The following FAT3 variants were observed in gnomAD, a reference collection of about 807,000 sequenced individuals.
The protein encoded by FAT3 is FAT atypical cadherin 3, also known as protocadherin Fat 3.
A neutral mutation model predicts 310.2 loss-of-function variants in FAT3; 95 were observed. The ratio of observed to expected loss-of-function variants is 0.31; its 90% CI spans 0.26 to 0.36. FAT3 has a LOEUF of 0.36. Among genes scored for constraint, FAT3 ranks in the 10% least tolerant of loss-of-function variants. The pLI is 1.00. For synonymous variants in FAT3, 2,314 were observed against 2,192.9 expected (o/e 1.06, Z -1.54); for missense variants, 5,408 against 5,715.6 (o/e 0.95, Z 1.74).
rs533844533 is a variant in FAT3 at position 92,331,287 on chromosome 11, CT to C, written c.-17-20797del. Among the ~76,000 whole-genome samples the C allele has an allele frequency of 6.8e-3, 951 of 139,094 alleles. 9 individuals carry two copies. Among genetic ancestry groups the C allele is most frequent in the South Asian group, 0.016 (70 of 4,298 alleles). The allele number at this position is 139,094 out of a possible 152,430, so 91.3% of individuals were successfully genotyped here. On this transcript the variant is annotated intron_variant, in intron 1 of 27. Transcript: ENST00000525166. Reference sequence around the variant, plus strand: ...GCATATAAGGTATGTTTTATTTCTTCTTTTTTTTTTTTCAAAATGAGAGTTT... The same window carrying C: ...GCATATAAGGTATGTTTTATTTCTTCTTTTTTTTTTTCAAAATGAGAGTTT...
At chr11:92,432,978 C>T (rs372703449) in intron 2 of FAT3, among the ~76,000 whole-genome samples, 12 of 152,162 alleles carry the variant, frequency 7.9e-5, no homozygotes, top group African/African-American at 2.4e-4. Flanking sequence ...AGAGGCTTTG[C>T]GGCACTACGT....
At chr11:92,676,819 G>C (rs889951008) in intron 3 of FAT3, among the ~76,000 whole-genome samples, 1 of 152,300 alleles carries the variant, frequency 6.6e-6, no homozygotes, top group South Asian at 2.1e-4. Context: ...ATTTGAAACA[G>C]ATTATTTAAA....
Position 92,799,055 on chromosome 11 carries a change from C to T in FAT3, c.6042C>T (p.Pro2014=), listed in dbSNP as rs1301413014. The T allele has an allele frequency of 6.2e-7, 1 of 1,613,766 alleles. No individual in the cohort carries two copies. The highest frequency in any genetic ancestry group is 8.5e-7 in the Non-Finnish European group (1 of 1,179,880). The part of the protein sequence containing the change: ...VNAVGNRLNE[P]LKYSILNPGN... ...CAGTTGGAAATCGCCTTAATGAGCCCTTAAAATACAGCATCTTAAACCCAG... is the reference window on the plus strand; with the variant it reads ...CAGTTGGAAATCGCCTTAATGAGCCTTTAAAATACAGCATCTTAAACCCAG... The change falls in exon 10 of 28, where the codon CCC becomes CCT. Residue 2014 remains proline (P), a synonymous_variant. Transcript: ENST00000525166.
At chr11:92,830,946 C>T (rs887926570) in intron 13 of FAT3, among the ~76,000 whole-genome samples, 2 of 152,162 alleles carry the variant, frequency 1.3e-5, no homozygotes, top group Admixed American at 6.5e-5. Context: ...TCACCACTTC[C>T]GACACCATCT....
intron 3 of FAT3, among the ~76,000 whole-genome samples, chr11:92,628,233 T>C (rs1369302801): frequency 6.6e-6 from 1 of 152,222 alleles, no homozygotes; most frequent in African/African-American, 2.4e-5. Flanking sequence ...ACTTTTAGAA[T>C]GTAAATTTTG....
At chr11:92,428,477 G>A (rs1950690102) in intron 2 of FAT3, among the ~76,000 whole-genome samples, 1 of 151,936 alleles carries the variant, frequency 6.6e-6, no homozygotes, top group Non-Finnish European at 1.5e-5. Flanking sequence ...GTGATGTTAG[G>A]ATGTCAATCT....
chr11:92,883,262 A>G lies in FAT3; in HGVS notation c.12806A>G (p.Glu4269Gly), dbSNP rs749451329. The change falls in exon 24 of 28, where the codon GAG becomes GGG. Residue 4269 changes from glutamate (E) to glycine (G), a missense_variant. By Grantham distance (98) the Glu-to-Gly change is moderately conservative. Coordinates refer to ENST00000525166, the MANE Select transcript of FAT3 (RefSeq NM_001367949.2). This position sits in a 1 kb window ranked among gnomAD's most constrained non-coding sequence, Gnocchi z 4.2. ...EHQEMTTFHPESPRILTARRG... is the reference protein window; with the variant it reads ...EHQEMTTFHPGSPRILTARRG... The stretch of plus-strand genomic sequence containing the variant: ...CAGGAAATGACCACGTTTCACCCTG[A>G]GTCGCCCCGCATCCTGACAGCCCGG... 3 of 1,612,804 alleles carry G rather than the reference A, an allele frequency of 1.9e-6. No individual in the cohort carries two copies. The South Asian group carries it at 3.3e-5, about 18-fold the overall frequency.
At chr11:92,633,206 G>A (rs1461504314) in intron 3 of FAT3, among the ~76,000 whole-genome samples, 1 of 152,162 alleles carries the variant, frequency 6.6e-6, no homozygotes, top group Non-Finnish European at 1.5e-5. Flanking sequence ...GACTTCAACT[G>A]AGGAACTTTG....
chr11:92,319,741 A>C (rs1025915971), intron 1 of FAT3, among the ~76,000 whole-genome samples: 1 of 152,192 alleles, frequency 6.6e-6, no homozygotes, highest in Non-Finnish European at 1.5e-5. Context: ...AGGAAAACTG[A>C]GCTATGAATA....
chr11:92,728,643 A>C (rs1246027957), intron 4 of FAT3, among the ~76,000 whole-genome samples: 1 of 152,174 alleles, frequency 6.6e-6, no homozygotes, highest in Non-Finnish European at 1.5e-5. Context: ...TGGAAGTTCA[A>C]CGTCAATTTC....
intron 21 of FAT3, among the ~76,000 whole-genome samples, chr11:92,861,213 T>C (rs1949113393): frequency 6.6e-6 from 1 of 152,202 alleles, no homozygotes. Flanking sequence ...GGGCTCTACG[T>C]GGGCCTCACT....
chr11:92,646,519 A>G lies in FAT3; in HGVS notation c.3608-50865A>G, dbSNP rs574116597. ...ACAAAAGAAATTGCAGCCATCTTTA[A>G]TGTTTCATACCAGCTAGTTGAAGGG... On this transcript the variant is annotated intron_variant, in intron 3 of 27. Transcript: ENST00000525166. Among the ~76,000 whole-genome samples, 4 of 152,316 alleles carry G rather than the reference A, an allele frequency of 2.6e-5. No individual in the cohort carries two copies. In the South Asian group the frequency reaches 8.3e-4, roughly 32 times the overall value.
At chr11:92,779,795 G>A (rs1946694051) in intron 7 of FAT3, among the ~76,000 whole-genome samples, 1 of 152,134 alleles carries the variant, frequency 6.6e-6, no homozygotes, top group Admixed American at 6.5e-5. Flanking sequence ...CGAATCACAT[G>A]AGCCCTTAAG....
intron 2 of FAT3, among the ~76,000 whole-genome samples, chr11:92,479,062 G>A (rs1383749652): frequency 2.0e-5 from 3 of 149,482 alleles, no homozygotes; most frequent in Non-Finnish European, 3.0e-5. Context: ...AGTGCAGCGG[G>A]GTTATCTTGG....
intron 2 of FAT3, among the ~76,000 whole-genome samples, chr11:92,437,747 T>G (rs1416651164): frequency 6.6e-6 from 1 of 152,152 alleles, no homozygotes; most frequent in Non-Finnish European, 1.5e-5. Flanking sequence ...TTCCGTGTAG[T>G]GCATGAATCG....
chr11:92,270,518 A>G (rs148474100), intron 1 of FAT3, among the ~76,000 whole-genome samples: 1 of 150,938 alleles, frequency 6.6e-6, no homozygotes, highest in African/African-American at 2.5e-5. Context: ...GTCTCTAATA[A>G]AAATACAAAA....
At position 92,249,592 on chromosome 11, in the gene FAT3, C is replaced by T. The variant is rs572178616; in HGVS notation, c.-18+24418C>T. On this transcript the variant is annotated intron_variant, in intron 1 of 27. Transcript: ENST00000525166. Reference sequence around the variant, plus strand: ...TAAGAGGCTTCTTGGCTTTTGTGTGCGTAGACTTGAGAGTGCTGGGAAAGA... The same window carrying T: ...TAAGAGGCTTCTTGGCTTTTGTGTGTGTAGACTTGAGAGTGCTGGGAAAGA... Among the ~76,000 whole-genome samples, 8 of 152,118 alleles carry T rather than the reference C, an allele frequency of 5.3e-5. 1 individual carries two copies. The South Asian group carries it at 1.5e-3, about 28-fold the overall frequency.
At chr11:92,676,224 G>A (rs1943284909) in intron 3 of FAT3, among the ~76,000 whole-genome samples, 1 of 152,158 alleles carries the variant, frequency 6.6e-6, no homozygotes, top group Admixed American at 6.5e-5. Context: ...GGGCCCAGCA[G>A]AGGACAGGAT....
At chr11:92,619,297 A>G (rs1940974358) in intron 3 of FAT3, among the ~76,000 whole-genome samples, 3 of 152,178 alleles carry the variant, frequency 2.0e-5, no homozygotes, top group South Asian at 2.1e-4. Flanking sequence ...TTTTGCATAT[A>G]TATTCATAAG....
Sources: gnomAD v4.1 joint callset for allele counts (sites outside exome capture counted in the v4.1 genomes callset) on GRCh38, gnomAD v4.1.1 for gene constraint, Gnocchi (gnomAD v3.1) non-coding constraint, MANE v1.5 for transcripts, NCBI Gene and HGNC (gene_info 2026-07-23, HGNC 2026-07-21) for gene names.